Variants in CTNNA2 observed in about 807,000 individuals in gnomAD.
The protein encoded by CTNNA2 is catenin alpha 2.
In CTNNA2, 42 loss-of-function variants were observed where a neutral mutation model predicts 101.0. The ratio of observed to expected loss-of-function variants is 0.42; its 90% CI spans 0.32 to 0.54. CTNNA2 has a LOEUF of 0.54. Ranked by LOEUF, CTNNA2 falls within the 20% of genes least tolerant of loss-of-function variation. The pLI is 0.14. For missense variants in CTNNA2, 871 were observed against 1,223.1 expected (o/e 0.71, Z 4.29); for synonymous variants, 450 against 456.4 (o/e 0.99, Z 0.18).
chr2:80,057,341 G>A (rs1451617979), intron 7 of CTNNA2, among the ~76,000 whole-genome samples: 1 of 152,116 alleles, frequency 6.6e-6, no homozygotes, highest in African/African-American at 2.4e-5. Flanking sequence ...AATAAGAATA[G>A]CATATAATTT....
At chr2:80,417,732 A>G (rs1680164827) in intron 8 of CTNNA2, among the ~76,000 whole-genome samples, 1 of 151,748 alleles carries the variant, frequency 6.6e-6, no homozygotes, top group Non-Finnish European at 1.5e-5. Context: ...TGCAGTTTTA[A>G]TCTATTTTAT....
At chr2:80,338,715 CCT>C (rs1671973560) in intron 7 of CTNNA2, among the ~76,000 whole-genome samples, 2 of 152,108 alleles carry the variant, frequency 1.3e-5, no homozygotes, top group African/African-American at 2.4e-5. Flanking sequence ...CTAATAAAAA[CCT>C]CTAAGTGATT....
At chr2:79,247,143 CAAG>C (rs1674710652) in intron 2 of CTNNA2, among the ~76,000 whole-genome samples, 1 of 152,152 alleles carries the variant, frequency 6.6e-6, no homozygotes, top group Admixed American at 6.6e-5. Context: ...GAATTGTAGA[CAAG>C]GAGTCGTAAG....
chr2:79,476,156 C>T (rs1309808970), intron 4 of CTNNA2, among the ~76,000 whole-genome samples: 1 of 152,194 alleles, frequency 6.6e-6, no homozygotes, highest in Non-Finnish European at 1.5e-5. Context: ...GATTTGAAAA[C>T]ACAAGATGTG....
At chr2:79,461,059 C>G (rs561636925) in intron 4 of CTNNA2, among the ~76,000 whole-genome samples, 1 of 152,248 alleles carries the variant, frequency 6.6e-6, no homozygotes, top group African/African-American at 2.4e-5. Context: ...CCAGGCTGGT[C>G]TCGAACCCCT....
intron 9 of CTNNA2, among the ~76,000 whole-genome samples, chr2:80,490,847 A>G (rs556742318): frequency 1.3e-5 from 2 of 152,288 alleles, no homozygotes; most frequent in South Asian, 2.1e-4. Context: ...CCAAATTCCA[A>G]TACTAGAAAT....
intron 1 of CTNNA2, among the ~76,000 whole-genome samples, chr2:79,599,728 A>C (rs1001001923): frequency 4.6e-5 from 7 of 152,226 alleles, no homozygotes; most frequent in Non-Finnish European, 8.8e-5. Context: ...AAAATCTGAG[A>C]AATTTAAGTA....
At chr2:79,656,609 T>C (rs1254984152) in intron 2 of CTNNA2, among the ~76,000 whole-genome samples, 1 of 152,104 alleles carries the variant, frequency 6.6e-6, no homozygotes, top group Non-Finnish European at 1.5e-5. Context: ...ATGAGGCCTA[T>C]ACATTTATTG....
intron 7 of CTNNA2, among the ~76,000 whole-genome samples, chr2:80,079,885 T>A (rs866115821): frequency 1.9e-3 from 246 of 127,514 alleles, no homozygotes; most frequent in African/African-American, 7.0e-3. Context: ...AATAAAATAA[T>A]AAAATAAAAT....
chr2:79,754,089 G>A (rs1031119798), intron 3 of CTNNA2, among the ~76,000 whole-genome samples: 15 of 151,944 alleles, frequency 9.9e-5, no homozygotes, highest in African/African-American at 3.4e-4. Flanking sequence ...AGCTGGTCTC[G>A]AACTCCTGAT....
intron 7 of CTNNA2, among the ~76,000 whole-genome samples, chr2:80,208,663 A>G (rs1707688231): frequency 1.3e-5 from 2 of 152,156 alleles, no homozygotes; most frequent in Admixed American, 1.3e-4. Context: ...TACCATCCCT[A>G]AGGATCCAGG....
chr2:80,471,031 G>A (rs888816666), intron 9 of CTNNA2, among the ~76,000 whole-genome samples: 1 of 152,158 alleles, frequency 6.6e-6, no homozygotes, highest in African/African-American at 2.4e-5. Flanking sequence ...ATAACTTGGA[G>A]TGATGTGCAG....
chr2:80,447,623 T>G (rs1423995036), intron 9 of CTNNA2, among the ~76,000 whole-genome samples: 1 of 152,232 alleles, frequency 6.6e-6, no homozygotes, highest in Non-Finnish European at 1.5e-5. Flanking sequence ...GAATTATTCC[T>G]CCTTTCCTTC....
At chr2:80,257,206 G>T in intron 7 of CTNNA2, among the ~76,000 whole-genome samples, 1 of 151,582 alleles carries the variant, frequency 6.6e-6, no homozygotes, top group Non-Finnish European at 1.5e-5. Flanking sequence ...TTAATTTTGA[G>T]CTACGTGGTT....
chr2:80,183,840 C>T (rs531633403), intron 7 of CTNNA2, among the ~76,000 whole-genome samples: 2 of 151,578 alleles, frequency 1.3e-5, no homozygotes, highest in African/African-American at 4.9e-5. Flanking sequence ...TGTTTGTTTT[C>T]GATTAACCTC....
intron 9 of CTNNA2, among the ~76,000 whole-genome samples, chr2:80,450,664 A>G (rs919204363): frequency 3.9e-5 from 6 of 152,158 alleles, no homozygotes; most frequent in Admixed American, 2.6e-4. Flanking sequence ...TTACAAAACC[A>G]AAGGAGGGAC....
At chr2:80,600,333 C>G (rs1030811493) in intron 15 of CTNNA2, among the ~76,000 whole-genome samples, 2 of 151,716 alleles carry the variant, frequency 1.3e-5, no homozygotes, top group African/African-American at 4.8e-5. Context: ...ATGAAAAGCA[C>G]AAACAGTAGT....
At chr2:80,024,260 G>C (rs1694782469) in intron 7 of CTNNA2, among the ~76,000 whole-genome samples, 1 of 152,082 alleles carries the variant, frequency 6.6e-6, no homozygotes, top group Non-Finnish European at 1.5e-5. Context: ...GCCTCTATGA[G>C]TTTTACACAC....
chr2:79,660,004 A>C (rs914374653), intron 2 of CTNNA2, among the ~76,000 whole-genome samples: 1 of 152,164 alleles, frequency 6.6e-6, no homozygotes, highest in Non-Finnish European at 1.5e-5. Flanking sequence ...AAAAAGAATA[A>C]TAATAAAACT....
Sources: gnomAD v4.1 joint callset for allele counts (sites outside exome capture counted in the v4.1 genomes callset) on GRCh38, gnomAD v4.1.1 for gene constraint, MANE v1.5 for transcripts, NCBI Gene and HGNC (gene_info 2026-07-23, HGNC 2026-07-21) for gene names.